Variants in PDE4D observed in about 807,000 individuals in gnomAD.
PDE4D encodes the protein 3',5'-cyclic-AMP phosphodiesterase 4D.
A neutral mutation model predicts 87.4 loss-of-function variants in PDE4D; 24 were observed. The observed-to-expected ratio is 0.27, with a 90% CI of 0.20 to 0.39. PDE4D has a LOEUF of 0.39. Among genes scored for constraint, PDE4D ranks in the 10% least tolerant of loss-of-function variants. The pLI, the probability that PDE4D is intolerant of heterozygous loss-of-function variation, is 1.00. For missense variants in PDE4D, 714 were observed against 1,041.0 expected (o/e 0.69, Z 4.32); for synonymous variants, 384 against 383.2 (o/e 1.00, Z -0.02).
chr5:59,067,407 T>C (rs1380393193), intron 5 of PDE4D, among the ~76,000 whole-genome samples: 2 of 152,142 alleles, frequency 1.3e-5, no homozygotes, highest in Admixed American at 1.3e-4. Context: ...AAAATAGCCA[T>C]AGGTTTCTAA....
intron 1 of PDE4D, among the ~76,000 whole-genome samples, chr5:60,420,826 C>G (rs548042679): frequency 1.3e-5 from 2 of 152,184 alleles, no homozygotes; most frequent in South Asian, 2.1e-4. Context: ...AGGACACTCC[C>G]GCCCAAATAC....
At chr5:59,107,383 A>G (rs1419684500) in intron 5 of PDE4D, among the ~76,000 whole-genome samples, 1 of 151,968 alleles carries the variant, frequency 6.6e-6, no homozygotes, top group East Asian at 1.9e-4. Context: ...TAATTTTTGC[A>G]TTTTTAGTAG....
intron 1 of PDE4D, among the ~76,000 whole-genome samples, chr5:59,748,400 C>A (rs1405360251): frequency 1.3e-5 from 2 of 151,992 alleles, no homozygotes; most frequent in African/African-American, 4.8e-5. Flanking sequence ...TGGAACCAAC[C>A]CAAATGTCCA....
chr5:60,462,724 T>C (rs1317863866), intron 1 of PDE4D, among the ~76,000 whole-genome samples: 10 of 152,200 alleles, frequency 6.6e-5, no homozygotes, highest in Non-Finnish European at 2.9e-5. Context: ...GAATAGTGTC[T>C]TCCCTTAAGA....
At chr5:59,820,782 T>C (rs1266446966) in intron 1 of PDE4D, among the ~76,000 whole-genome samples, 3 of 152,196 alleles carry the variant, frequency 2.0e-5, no homozygotes, top group African/African-American at 7.2e-5. Context: ...TTATTCAGGA[T>C]AATAAATGAA....
At chr5:60,165,955 C>T (rs971624120) in intron 2 of PDE4D, among the ~76,000 whole-genome samples, 2 of 151,932 alleles carry the variant, frequency 1.3e-5, no homozygotes, top group African/African-American at 4.8e-5. Context: ...TTGTTTATTT[C>T]TCTCTTACTG....
intron 1 of PDE4D, among the ~76,000 whole-genome samples, chr5:60,250,097 T>C (rs1325565919): frequency 6.6e-6 from 1 of 152,004 alleles, no homozygotes; most frequent in East Asian, 1.9e-4. Context: ...CTGTAGACAC[T>C]GGGGCTATCA....
intron 2 of PDE4D, among the ~76,000 whole-genome samples, chr5:59,209,049 T>A (rs913114947): frequency 1.3e-5 from 2 of 152,152 alleles, no homozygotes; most frequent in Non-Finnish European, 2.9e-5. Flanking sequence ...CTACCTGGGA[T>A]CCTAACAGAA....
intron 1 of PDE4D, among the ~76,000 whole-genome samples, chr5:59,607,475 C>A (rs369866276): frequency 6.6e-6 from 1 of 152,062 alleles, no homozygotes; most frequent in African/African-American, 2.4e-5. Context: ...TATTAGATTG[C>A]TATTAACTTG....
chr5:59,430,979 T>TA (rs778634318), intron 1 of PDE4D, among the ~76,000 whole-genome samples: 5 of 152,096 alleles, frequency 3.3e-5, no homozygotes, highest in Admixed American at 6.6e-5. Flanking sequence ...AATTCTCTGG[T>TA]AAAAAAATTG....
chr5:59,650,114 A>G (rs1743210967), intron 1 of PDE4D, among the ~76,000 whole-genome samples: 1 of 151,696 alleles, frequency 6.6e-6, no homozygotes, highest in African/African-American at 2.4e-5. Context: ...TATTGCAAAC[A>G]ACATGTAATT....
intron 2 of PDE4D, among the ~76,000 whole-genome samples, chr5:60,088,945 T>G (rs1291568644): frequency 6.6e-6 from 1 of 152,042 alleles, no homozygotes; most frequent in Non-Finnish European, 1.5e-5. Context: ...TGTAAAGACA[T>G]TCACAAACTG....
chr5:59,303,063 T>A (rs1245473030), intron 1 of PDE4D, among the ~76,000 whole-genome samples: 1 of 152,186 alleles, frequency 6.6e-6, no homozygotes, highest in Non-Finnish European at 1.5e-5. Flanking sequence ...TTTAAAATTT[T>A]TTTATTATGG....
At chr5:59,760,721 C>T (rs999387843) in intron 1 of PDE4D, among the ~76,000 whole-genome samples, 1 of 152,108 alleles carries the variant, frequency 6.6e-6, no homozygotes, top group African/African-American at 2.4e-5. Context: ...GTGAATGCTA[C>T]CCATGAATAT....
chr5:59,648,208 G>T lies in PDE4D; in HGVS notation c.455+244960C>A, dbSNP rs150682712. Among the ~76,000 whole-genome samples, 1,031 of 152,230 alleles carry T rather than the reference G, an allele frequency of 6.8e-3. 11 individuals carry two copies. The highest frequency in any genetic ancestry group is 0.012 in the Non-Finnish European group (835 of 67,992). ...CCACACATCACGAGAGAGAGAAAAA[G>T]AAATTCCAAGAAGGATTTGATAATT... On this transcript the variant is annotated intron_variant, in intron 1 of 14. Coordinates refer to ENST00000340635, the MANE Select transcript of PDE4D (RefSeq NM_001104631.2).
In PDE4D at chr5:58,969,270, G is replaced by C. The variant is rs1172042937; in HGVS notation, c.*5394C>G. The C allele has an allele frequency of 1.3e-5, 2 of 152,190 alleles. No homozygotes were observed. Among genetic ancestry groups the C allele is most frequent in the Non-Finnish European group, 2.9e-5 (2 of 68,044 alleles). The allele number at this position is 152,190 out of a possible 1,614,324, so 9.4% of individuals were successfully genotyped here. A position where few individuals can be genotyped will look rare whatever the true frequency, so the allele number is the denominator to read the frequency against. Reference sequence around the variant, plus strand: ...AACAAACACGTATATAAATCTGTGAGAAGTGTTATAAAGAAAATTGAGCAG... The same window carrying C: ...AACAAACACGTATATAAATCTGTGACAAGTGTTATAAAGAAAATTGAGCAG... On this transcript the variant is annotated 3_prime_UTR_variant, in exon 15 of 15. Coordinates refer to ENST00000340635, the MANE Select transcript of PDE4D (RefSeq NM_001104631.2).
intron 1 of PDE4D, among the ~76,000 whole-genome samples, chr5:60,244,625 C>T (rs992123758): frequency 1.3e-5 from 2 of 151,686 alleles, no homozygotes; most frequent in African/African-American, 4.8e-5. Flanking sequence ...GAATAGAATA[C>T]AGAACCTAGA....
At chr5:59,487,175 A>G (rs1249742292) in intron 1 of PDE4D, among the ~76,000 whole-genome samples, 1 of 152,224 alleles carries the variant, frequency 6.6e-6, no homozygotes, top group African/African-American at 2.4e-5. Context: ...GATTGAAAAC[A>G]GAAGGCAAAG....
At chr5:59,865,384 T>C (rs1211022550) in intron 1 of PDE4D, among the ~76,000 whole-genome samples, 3 of 152,212 alleles carry the variant, frequency 2.0e-5, no homozygotes, top group South Asian at 4.1e-4. Context: ...AATTTAGATT[T>C]TCAGGATTAA....
Sources: allele counts gnomAD v4.1 joint callset (sites outside exome capture counted in the v4.1 genomes callset), GRCh38; gene constraint gnomAD v4.1.1; transcripts MANE v1.5; gene names NCBI Gene and HGNC (gene_info 2026-07-23, HGNC 2026-07-21).